EVC2: variants seen among roughly 807,000 people sequenced by gnomAD.
EVC2 encodes limbin.
EVC2 carries 148 observed loss-of-function variants against 149.3 expected under a neutral mutation model. The observed-to-expected ratio is 0.99, with a 90% CI of 0.87 to 1.14. EVC2 has a LOEUF of 1.14. Among genes scored for constraint, EVC2 ranks in the 50% most tolerant of loss-of-function variants. The pLI, the probability that EVC2 is intolerant of heterozygous loss-of-function variation, is 0.00. For synonymous variants in EVC2, 776 were observed against 649.9 expected (o/e 1.19, Z -2.95); for missense variants, 1,854 against 1,627.3 (o/e 1.14, Z -2.40).
the EVC2 span, among the ~76,000 whole-genome samples, chr4:5,537,237 C>A: frequency 1.3e-5 from 2 of 152,092 alleles, no homozygotes; most frequent in South Asian, 4.1e-4. Context: ...GATTGCAGGG[C>A]AGAGTTTTGG....
intron 5 of EVC2, among the ~76,000 whole-genome samples, chr4:5,688,419 T>A (rs1720867485): frequency 6.6e-6 from 1 of 152,122 alleles, no homozygotes; most frequent in Admixed American, 6.6e-5. Flanking sequence ...CCCTATGACC[T>A]CGGGCAAGCT....
downstream of EVC2, among the ~76,000 whole-genome samples, chr4:5,561,814 G>C (rs1222385685): frequency 2.0e-5 from 3 of 152,192 alleles, no homozygotes; most frequent in Non-Finnish European, 4.4e-5. Flanking sequence ...GTAGGTTAAA[G>C]TTGTTGGAAG....
intron 16 of EVC2, among the ~76,000 whole-genome samples, chr4:5,590,934 G>C (rs1362828400): frequency 6.6e-6 from 1 of 152,138 alleles, no homozygotes; most frequent in Non-Finnish European, 1.5e-5. Flanking sequence ...AAGCAAAAGG[G>C]GGAAAAGCCC....
intron 3 of EVC2, 104 bp from the exon 4 acceptor site, chr4:5,691,437 T>C: frequency 1.2e-6 from 1 of 849,488 alleles, no homozygotes; most frequent in Non-Finnish European, 1.9e-6. Context: ...GTAGAAAGAT[T>C]ACTGCTACTA....
intron 10 of EVC2, 42 bp from the exon 11 acceptor site, chr4:5,632,074 A>C (rs1023306283): frequency 6.2e-7 from 1 of 1,611,712 alleles, no homozygotes; most frequent in East Asian, 2.2e-5. Flanking sequence ...TGACACACTG[A>C]ACATGCACCT....
chr4:5,638,034 T>G (rs992848610), intron 10 of EVC2, among the ~76,000 whole-genome samples: 1 of 152,154 alleles, frequency 6.6e-6, no homozygotes, highest in African/African-American at 2.4e-5. Flanking sequence ...CCTTGTTTGC[T>G]GACCACTGCC....
intron 7 of EVC2, among the ~76,000 whole-genome samples, chr4:5,669,036 A>G (rs1719460616): frequency 6.6e-6 from 1 of 152,182 alleles, no homozygotes; most frequent in Non-Finnish European, 1.5e-5. Context: ...AGATGGAGGC[A>G]GATACTGAGT....
At chr4:5,560,988 A>G (rs943693636), downstream of EVC2, among the ~76,000 whole-genome samples, 2 of 152,212 alleles carry the variant, frequency 1.3e-5, no homozygotes, top group Non-Finnish European at 2.9e-5. The surrounding 1 kb of genome is among the most constrained non-coding windows in gnomAD (Gnocchi z 4.1). Context: ...GTCTATTAAC[A>G]TAAGGAGTTA....
Position 5,637,787 on chromosome 4 carries a change from G to T in EVC2, c.1470+2727C>A, listed in dbSNP as rs548052159. 3.8e-4 allele frequency among the ~76,000 whole-genome samples: 58 copies of T among 151,242 alleles called. No homozygotes were observed. Among genetic ancestry groups the T allele is most frequent in the African/African-American group, 1.4e-3 (56 of 41,270 alleles). ...AGAATGAATGATCCTCTGCCACTGA[G>T]TTGTGGGATGGGCTTCTCTCTTTTT... On this transcript the variant is annotated intron_variant, in intron 10 of 21. Coordinates refer to ENST00000344408, the MANE Select transcript of EVC2 (RefSeq NM_147127.5). The surrounding 1 kb of genome is among the most constrained non-coding windows in gnomAD (Gnocchi z 4.4).
rs1291914946 is a variant in EVC2 at position 5,640,797 on chromosome 4, T to A, written c.1187A>T (p.Glu396Val). ...ATLNRADADL[E>V]ACRTQISKDI... is the part of the protein sequence containing the mutation. Reference sequence around the variant, plus strand: ...CTTGCTGATTTGTGTTCGACAAGCCTCCAGATCTGCATCTGCCCGATTCAG... The same window carrying A: ...CTTGCTGATTTGTGTTCGACAAGCCACCAGATCTGCATCTGCCCGATTCAG... Residue 396 changes from glutamate to valine, a missense_variant, in exon 10 of 22, where the codon GAG (glutamate) becomes GTG (valine). By Grantham distance (121) the Glu-to-Val change is moderately radical. Transcript: ENST00000344408. The surrounding 1 kb of genome is among the most constrained non-coding windows in gnomAD (Gnocchi z 4.6). The A allele has an allele frequency of 1.2e-6, 2 of 1,614,078 alleles. No individual in the cohort carries two copies. Among genetic ancestry groups the A allele is most frequent in the Non-Finnish European group, 1.7e-6 (2 of 1,180,040 alleles).
rs201911147 is a variant in EVC2, at chr4:5,638,395, C to CAA, written c.1470+2117_1470+2118dup. ...CAGAGTGAGACTCTATCTCAAAAAA[C>CAA]AAAAAAAAAAAAATTGTAACAGATT... On this transcript the variant is annotated intron_variant, in intron 10 of 21. Transcript: ENST00000344408. 3.7e-3 allele frequency among the ~76,000 whole-genome samples: 528 copies of CAA among 141,162 alleles called. 1 individual carries two copies. The highest frequency in any genetic ancestry group is 5.8e-3 in the Non-Finnish European group (371 of 63,692). The allele number at this position is 141,162 out of a possible 152,430, so 92.6% of individuals were successfully genotyped here. A position where few individuals can be genotyped will look rare whatever the true frequency, so the allele number is the denominator to read the frequency against.
In EVC2 at chr4:5,632,002, T is replaced by C; in HGVS notation, c.1501A>G (p.Thr501Ala). 6.2e-7 allele frequency: 1 copy of C among 1,614,002 alleles called. No individual in the cohort carries two copies. The highest frequency in any genetic ancestry group is 8.5e-7 in the Non-Finnish European group (1 of 1,180,002). Residue 501 changes from threonine to alanine, a missense_variant, in exon 11 of 22, where the codon ACC becomes GCC. Coordinates refer to ENST00000344408, the MANE Select transcript of EVC2 (RefSeq NM_147127.5). ...TGCTCCTGTTCCAGGCCATGGAGGG[T>C]CCGCAGAAGGTTGCTGCACTCTACA... ...SAVECSNLLRTLHGLEQEHLR... is the reference protein window; with the variant it reads ...SAVECSNLLRALHGLEQEHLR...
chr4:5,638,842 C>T (rs147829335), intron 10 of EVC2, among the ~76,000 whole-genome samples: 11 of 152,162 alleles, frequency 7.2e-5, no homozygotes, highest in African/African-American at 1.9e-4. Flanking sequence ...CAGGAACACC[C>T]GGAGCCACCA....
chr4:5,539,265 T>C (rs1721471125), downstream of EVC2, among the ~76,000 whole-genome samples: 1 of 152,204 alleles, frequency 6.6e-6, no homozygotes, highest in Non-Finnish European at 1.5e-5. Flanking sequence ...TGTAAAACAT[T>C]GCTGAAGGAA....
chr4:5,664,887 G>T (rs990186014), intron 8 of EVC2, among the ~76,000 whole-genome samples: 1 of 151,618 alleles, frequency 6.6e-6, no homozygotes. Flanking sequence ...CTGCGTGTGG[G>T]TGATGGGGTA....
intron 11 of EVC2, among the ~76,000 whole-genome samples, chr4:5,629,830 G>A (rs1716396690): frequency 6.6e-6 from 1 of 152,252 alleles, no homozygotes; most frequent in African/African-American, 2.4e-5. Context: ...CATGCATGCT[G>A]ATTGATGGGA....
chr4:5,558,385 G>A (rs961204991), downstream of EVC2, among the ~76,000 whole-genome samples: 1 of 152,210 alleles, frequency 6.6e-6, no homozygotes, highest in Admixed American at 6.5e-5. Flanking sequence ...AAGATTGAAC[G>A]TGTGGAGCAC....
At chr4:5,628,378 C>A (rs1053054322) in intron 12 of EVC2, among the ~76,000 whole-genome samples, 181 bp downstream of exon 12, 1 of 152,108 alleles carries the variant, frequency 6.6e-6, no homozygotes, top group African/African-American at 2.4e-5. Context: ...CACATGATGC[C>A]CTTCCACCAT....
chr4:5,639,927 T>C (rs1222420297), intron 10 of EVC2, among the ~76,000 whole-genome samples: 1 of 152,244 alleles, frequency 6.6e-6, no homozygotes, highest in African/African-American at 2.4e-5. Context: ...TGTCTCATTG[T>C]TCCCTATACC....
Sources: allele counts gnomAD v4.1 joint callset (sites outside exome capture counted in the v4.1 genomes callset), GRCh38; gene constraint gnomAD v4.1.1; non-coding constraint Gnocchi (gnomAD v3.1); transcripts MANE v1.5; gene names NCBI Gene and HGNC (gene_info 2026-07-23, HGNC 2026-07-21).